The following MEGF11 variants were observed in gnomAD, a reference collection of about 807,000 sequenced individuals.
MEGF11 encodes the protein multiple EGF like domains 11, also known as multiple epidermal growth factor-like domains protein 11.
Under a neutral mutation model 146.6 loss-of-function variants are expected in MEGF11, and 126 were observed. The ratio of observed to expected loss-of-function variants is 0.86; its 90% CI spans 0.74 to 1.00. MEGF11 has a LOEUF of 1.00. Among genes scored for constraint, MEGF11 ranks in the 50% least tolerant of loss-of-function variants. The pLI, the probability that MEGF11 is intolerant of heterozygous loss-of-function variation, is 0.00. For synonymous variants in MEGF11, 532 were observed against 583.4 expected (o/e 0.91, Z 1.27); for missense variants, 1,509 against 1,521.2 (o/e 0.99, Z 0.13).
At chr15:65,960,730 C>T (rs964819758) in intron 9 of MEGF11, among the ~76,000 whole-genome samples, 49 of 152,312 alleles carry the variant, frequency 3.2e-4, no homozygotes, top group Admixed American at 1.3e-3. Context: ...CAAATGGTCA[C>T]GCTGGAGCTC....
chr15:65,977,760 TTG>T (rs551341914), intron 7 of MEGF11, among the ~76,000 whole-genome samples: 2 of 151,536 alleles, frequency 1.3e-5, no homozygotes, highest in East Asian at 1.9e-4. Context: ...AGTCTTTTCT[TTG>T]TGTGTGTGTG....
At chr15:66,236,736 A>C (rs571807582) in intron 1 of MEGF11, among the ~76,000 whole-genome samples, 115 of 152,230 alleles carry the variant, frequency 7.6e-4, no homozygotes, top group African/African-American at 2.7e-3. Context: ...GTTTGCAGGC[A>C]GCTTCCTGTC....
chr15:65,898,692 C>T (rs2141126202), intron 25 of MEGF11, 36 bp downstream of exon 25: 1 of 1,610,484 alleles, frequency 6.2e-7, no homozygotes, highest in East Asian at 2.2e-5. Context: ...GCACTATTGC[C>T]CTGATTTCAC....
At chr15:66,072,453 T>G (rs2085408764) in intron 5 of MEGF11, among the ~76,000 whole-genome samples, 1 of 152,182 alleles carries the variant, frequency 6.6e-6, no homozygotes, top group Non-Finnish European at 1.5e-5. Flanking sequence ...CCGTGTTTAT[T>G]TATATTCTTG....
At position 66,057,519 on chromosome 15, in the gene MEGF11, A is replaced by C. The variant is rs372671913; in HGVS notation, c.394+36883T>G. Reference sequence around the variant, plus strand: ...TAGGTCTCCCAGTTAAATATTGTTGATATCAGGTAGAGCTGGGCTGCTACA... The same window carrying C: ...TAGGTCTCCCAGTTAAATATTGTTGCTATCAGGTAGAGCTGGGCTGCTACA... On this transcript the variant is annotated intron_variant, in intron 5 of 25. Transcript: ENST00000395614. Among the ~76,000 whole-genome samples, 3 of 152,170 alleles carry C rather than the reference A, an allele frequency of 2.0e-5. No individual in the cohort carries two copies. In the East Asian group the frequency reaches 5.8e-4, roughly 29 times the overall value.
At chr15:66,075,792 T>C (rs1189082541) in intron 5 of MEGF11, among the ~76,000 whole-genome samples, 4 of 152,192 alleles carry the variant, frequency 2.6e-5, no homozygotes, top group African/African-American at 9.7e-5. Context: ...GCCCATTACC[T>C]AGCTCAAGAC....
chr15:65,935,930 G>T (rs1488169468), intron 10 of MEGF11, among the ~76,000 whole-genome samples: 4 of 152,196 alleles, frequency 2.6e-5, no homozygotes, highest in African/African-American at 9.7e-5. Context: ...GATGTTCATA[G>T]CAAGCCAATC....
At chr15:66,214,187 C>G (rs1051941997) in intron 1 of MEGF11, among the ~76,000 whole-genome samples, 2 of 152,022 alleles carry the variant, frequency 1.3e-5, no homozygotes, top group Non-Finnish European at 2.9e-5. Context: ...AGGTGCCCAC[C>G]ACCACACCCG....
At chr15:65,909,256 G>A in intron 22 of MEGF11, 121 bp from the exon 23 acceptor site, 1 of 731,910 alleles carries the variant, frequency 1.4e-6, no homozygotes, top group Non-Finnish European at 2.4e-6. Flanking sequence ...AGGACTTGGG[G>A]GCCTCTGTGT....
rs572801225 is a variant in MEGF11, at chr15:66,141,233, GGTGTGTGTGTGTGT to G, written c.-8-12836_-8-12823del. Among the ~76,000 whole-genome samples the G allele has an allele frequency of 3.7e-3, 360 of 97,254 alleles. 5 individuals are homozygous for G. The highest frequency in any genetic ancestry group is 0.011 in the Middle Eastern group (2 of 174). 63.8% of individuals were successfully genotyped at this position (97,254 alleles called of 152,430 possible). On this transcript the variant is annotated intron_variant, in intron 1 of 25. Coordinates refer to ENST00000395614, the MANE Select transcript of MEGF11 (RefSeq NM_001385028.1). ...GATGTCTCTGTCCTGCAGACTCAGG[GGTGTGTGTGTGTGT>G]GTGTGTGTGTGTGTGTGTGTGTGTG...
intron 1 of MEGF11, among the ~76,000 whole-genome samples, chr15:66,150,228 G>A (rs2089512836): frequency 6.6e-6 from 1 of 152,234 alleles, no homozygotes; most frequent in Non-Finnish European, 1.5e-5. Flanking sequence ...TTCAAAGCCA[G>A]CCTGGCGGGC....
At chr15:66,160,218 G>A (rs2089900371) in intron 1 of MEGF11, among the ~76,000 whole-genome samples, 1 of 141,022 alleles carries the variant, frequency 7.1e-6, no homozygotes, top group Admixed American at 7.1e-5. Context: ...CTAAACAAAA[G>A]GACAAAGCCT....
chr15:66,104,144 G>A (rs1417819619), intron 4 of MEGF11, among the ~76,000 whole-genome samples: 1 of 152,212 alleles, frequency 6.6e-6, no homozygotes, highest in Non-Finnish European at 1.5e-5. Flanking sequence ...CTTTGTGAAG[G>A]CAAATGTCCT....
chr15:66,022,422 G>A (rs2083179174), intron 5 of MEGF11, among the ~76,000 whole-genome samples: 1 of 152,230 alleles, frequency 6.6e-6, no homozygotes, highest in South Asian at 2.1e-4. Context: ...AATGTGGACT[G>A]TTTCTACCAA....
intron 5 of MEGF11, among the ~76,000 whole-genome samples, chr15:66,070,245 C>G (rs1042169853): frequency 4.6e-5 from 7 of 152,208 alleles, no homozygotes; most frequent in African/African-American, 7.2e-5. Flanking sequence ...AGTCTGGGAG[C>G]TGAGAAAACT....
intron 10 of MEGF11, among the ~76,000 whole-genome samples, chr15:65,937,528 A>T (rs2079834434): frequency 6.6e-6 from 1 of 152,220 alleles, no homozygotes; most frequent in Non-Finnish European, 1.5e-5. Flanking sequence ...CAGTCTCCCC[A>T]ACTTCTCACC....
rs764755239 is a variant in MEGF11 at position 65,982,246 on chromosome 15, C to G, written c.637G>C (p.Val213Leu). 146 of 1,530,380 alleles carry G rather than the reference C, an allele frequency of 9.5e-5. 2 individuals carry two copies. In the South Asian group the frequency reaches 1.6e-3, roughly 17 times the overall value. The allele number at this position is 1,530,380 out of a possible 1,614,324, so 94.8% of individuals were successfully genotyped here. ...AGGTCCTGCCGCATGACTCACTAGA[C>G]GCCGGTGTAGCCAGGTGCGCAGAGG... Reference protein sequence around the residue: ...ECLCAPGYTGVYCEELCPPGS... With the variant: ...ECLCAPGYTGLYCEELCPPGS... Residue 213 changes from valine (V) to leucine (L), a missense_variant, in exon 6 of 26, where the codon GTC (valine) becomes CTC (leucine). Val to Leu is a conservative substitution (Grantham distance 32, BLOSUM62 1). Coordinates refer to ENST00000395614, the MANE Select transcript of MEGF11 (RefSeq NM_001385028.1). The surrounding 1 kb of genome is among the most constrained non-coding windows in gnomAD (Gnocchi z 5.6).
chr15:66,070,123 G>A (rs2085304580), intron 5 of MEGF11, among the ~76,000 whole-genome samples: 1 of 152,214 alleles, frequency 6.6e-6, no homozygotes, highest in African/African-American at 2.4e-5. Flanking sequence ...ACTCTGTCTG[G>A]GCTCTGGGGT....
rs934995331 is a variant in MEGF11 at position 65,896,136 on chromosome 15, T to C, written c.*1798A>G. The C allele has an allele frequency of 7.2e-5, 11 of 152,582 alleles. No individual in the cohort carries two copies. The highest frequency in any genetic ancestry group is 6.5e-5 in the Admixed American group (1 of 15,292). The allele number at this position is 152,582 out of a possible 1,614,324, so 9.5% of individuals were successfully genotyped here. On this transcript the variant is annotated 3_prime_UTR_variant, in exon 26 of 26. Coordinates refer to ENST00000395614, the MANE Select transcript of MEGF11 (RefSeq NM_001385028.1). ...AGGTAAGCTGCTTACCTATATTTCTTTCTACATATGTATGAGAAATATTTA... is the reference window on the plus strand; with the variant it reads ...AGGTAAGCTGCTTACCTATATTTCTCTCTACATATGTATGAGAAATATTTA...
Sources: gnomAD v4.1 joint callset for allele counts (sites outside exome capture counted in the v4.1 genomes callset) on GRCh38, gnomAD v4.1.1 for gene constraint, Gnocchi (gnomAD v3.1) non-coding constraint, MANE v1.5 for transcripts, NCBI Gene and HGNC (gene_info 2026-07-23, HGNC 2026-07-21) for gene names.